The following MAPK3 variants were observed in gnomAD, a reference collection of about 807,000 sequenced individuals.
MAPK3 encodes mitogen-activated protein kinase 3.
Under a neutral mutation model 41.8 loss-of-function variants are expected in MAPK3, and 30 were observed. The observed-to-expected ratio is 0.72, with a 90% CI of 0.54 to 0.97. MAPK3 has a LOEUF of 0.97. MAPK3 is among the 50% of genes least tolerant of loss of function. The pLI is 0.00. For synonymous variants in MAPK3, 222 were observed against 213.4 expected (o/e 1.04, Z -0.35); for missense variants, 413 against 509.9 (o/e 0.81, Z 1.83).
intron 8 of MAPK3, among the ~76,000 whole-genome samples, chr16:30,115,054 T>G (rs1278899925): frequency 1.5e-5 from 2 of 132,988 alleles, no homozygotes; most frequent in Non-Finnish European, 3.1e-5. Context: ...CTGGGCAACA[T>G]AGCAAGACCC....
chr16:30,117,398 G>C, intron 5 of MAPK3, 113 bp from the exon 6 acceptor site: 1 of 1,077,066 alleles, frequency 9.3e-7, no homozygotes, highest in Non-Finnish European at 1.4e-6. Context: ...CAATCCCTCA[G>C]TCACCTCCTA....
At chr16:30,116,509 C>T (rs929971857) in intron 8 of MAPK3, 127 bp downstream of exon 8, 1 of 1,080,138 alleles carries the variant, frequency 9.3e-7, no homozygotes. Context: ...TCACCAGACA[C>T]ATTGACCATG....
At position 30,118,486 on chromosome 16, in the gene MAPK3, G is replaced by C; in HGVS notation, c.406C>G (p.Gln136Glu). The change falls in exon 3 of 9, where the codon CAG becomes GAG. Residue 136 changes from glutamine to glutamate, a missense_variant. Physicochemically the swap from Gln to Glu is conservative, Grantham distance 29. Transcript: ENST00000263025. ...CAGATATGGTCATTGCTCAGCTGCTGGCTTTTCAGCAACTTGTACAGGTCA... is the reference window on the plus strand; with the variant it reads ...CAGATATGGTCATTGCTCAGCTGCTCGCTTTTCAGCAACTTGTACAGGTCA... ...ETDLYKLLKSQQLSNDHICYF... is the reference protein window; with the variant it reads ...ETDLYKLLKSEQLSNDHICYF... The C allele has an allele frequency of 6.2e-7, 1 of 1,614,052 alleles. No homozygotes were observed. The highest frequency in any genetic ancestry group is 8.5e-7 in the Non-Finnish European group (1 of 1,180,010).
intron 8 of MAPK3, among the ~76,000 whole-genome samples, chr16:30,116,162 G>T (rs980721918): frequency 2.6e-5 from 4 of 151,308 alleles, no homozygotes. Flanking sequence ...AGCCTCCTGA[G>T]TAGCTGGGAC....
At chr16:30,117,369 C>T (rs1350331223) in intron 5 of MAPK3, 84 bp from the exon 6 acceptor site, 2 of 1,409,800 alleles carry the variant, frequency 1.4e-6, no homozygotes, top group Non-Finnish European at 2.0e-6. Context: ...ACAAGACCCC[C>T]CAGCCCAGCA....
chr16:30,120,500 G>C (rs1412132608), intron 2 of MAPK3, among the ~76,000 whole-genome samples: 1 of 152,062 alleles, frequency 6.6e-6, no homozygotes, highest in African/African-American at 2.4e-5. Flanking sequence ...AAGCAGTATT[G>C]GGGGAGGACA....
Position 30,116,903 on chromosome 16 carries a change from C to G in MAPK3, c.1008G>C (p.Pro336=). The change falls in exon 7 of 9, where the codon CCG becomes CCC. Residue 336 remains proline (P), a synonymous_variant. Transcript: ENST00000263025. Reference sequence around the variant, plus strand: ...CTGGGGACTGGCCCACCTCATCCGTCGGGTCATAGTACTGCTCCAGGTAGG... The same window carrying G: ...CTGGGGACTGGCCCACCTCATCCGTGGGGTCATAGTACTGCTCCAGGTAGG... ...AHPYLEQYYD[P]TDEPVAEEPF... 1 of 1,613,920 alleles carries G rather than the reference C, an allele frequency of 6.2e-7. No individual in the cohort carries two copies. The highest frequency in any genetic ancestry group is 8.5e-7 in the Non-Finnish European group (1 of 1,179,940).
chr16:30,122,160 TG>T (rs976791538), intron 1 of MAPK3, 154 bp from the exon 2 acceptor site: 2 of 711,556 alleles, frequency 2.8e-6, no homozygotes, highest in South Asian at 3.5e-5. Flanking sequence ...TGTGGAGGCC[TG>T]GGATCTCCAG....
chr16:30,117,899 G>T, intron 4 of MAPK3, 115 bp from the exon 5 acceptor site: 1 of 1,087,196 alleles, frequency 9.2e-7, no homozygotes, highest in Non-Finnish European at 1.4e-6. Context: ...GCAGAGGCCT[G>T]GAGGGCTCAA....
rs1256990157 is a variant in MAPK3 at position 30,121,898 on chromosome 16, C to A, written c.279G>T (p.Leu93=). 1 of 1,614,078 alleles carries A rather than the reference C, an allele frequency of 6.2e-7. No homozygotes were observed. Among genetic ancestry groups the A allele is most frequent in the Non-Finnish European group, 8.5e-7 (1 of 1,180,050 alleles). Residue 93 remains leucine, a synonymous_variant, in exon 2 of 9, where the codon CTG becomes CTT. Transcript: ENST00000263025. ...QRTLREIQIL[L]RFRHENVIGI... is the part of the protein sequence containing the mutation. ...CGATGACATTCTCATGGCGGAAGCGCAGCAGGATCTGGATCTCCCGGAGCG... is the reference window on the plus strand; with the variant it reads ...CGATGACATTCTCATGGCGGAAGCGAAGCAGGATCTGGATCTCCCGGAGCG...
In MAPK3 at chr16:30,121,904, G is replaced by A. The variant is rs1258517367; in HGVS notation, c.273C>T (p.Ile91=). The change falls in exon 2 of 9, where the codon ATC becomes ATT. Residue 91 remains isoleucine, a synonymous_variant. Transcript: ENST00000263025. The part of the protein sequence containing the change: ...YCQRTLREIQ[I]LLRFRHENVI... Reference sequence around the variant, plus strand: ...CATTCTCATGGCGGAAGCGCAGCAGGATCTGGATCTCCCGGAGCGTGCGCT... The same window carrying A: ...CATTCTCATGGCGGAAGCGCAGCAGAATCTGGATCTCCCGGAGCGTGCGCT... The A allele has an allele frequency of 1.2e-6, 2 of 1,614,198 alleles. No individual in the cohort carries two copies. Among genetic ancestry groups the A allele is most frequent in the Non-Finnish European group, 1.7e-6 (2 of 1,180,034 alleles).
In MAPK3 at chr16:30,121,992, T is replaced by C; in HGVS notation, c.185A>G (p.His62Arg). ...GATGGCCACGCGAGTCTTGCGCACG[T>C]GGTCATAGGCCGAGCTGAGGGGACC... ...AYGMVSSAYD[H>R]VRKTRVAIKK... The change falls in exon 2 of 9, where the codon CAC (histidine) becomes CGC (arginine). Residue 62 changes from histidine (H) to arginine (R), a missense_variant. Transcript: ENST00000263025. 1 of 1,614,048 alleles carries C rather than the reference T, an allele frequency of 6.2e-7. No homozygotes were observed. Among genetic ancestry groups the C allele is most frequent in the African/African-American group, 1.3e-5 (1 of 75,020 alleles).
chr16:30,121,594 A>G (rs1480538393), intron 2 of MAPK3, among the ~76,000 whole-genome samples: 2 of 152,208 alleles, frequency 1.3e-5, no homozygotes, highest in African/African-American at 4.8e-5. Flanking sequence ...TGGGGCACAG[A>G]GCAGAGAACC....
Position 30,122,583 on chromosome 16 carries a change from G to A in MAPK3, c.170+457C>T. ...CTCTCTGGGCCCCTGGGGTGGTGGG[G>A]CCAAAGCCCTGCCCCACCCTGATCT... On this transcript the variant is annotated intron_variant, in intron 1 of 8. Coordinates refer to ENST00000263025, the MANE Select transcript of MAPK3 (RefSeq NM_002746.3). The A allele has an allele frequency of 1.2e-5, 2 of 173,722 alleles. 1 individual carries two copies. Among genetic ancestry groups the A allele is most frequent in the South Asian group, 2.3e-4 (2 of 8,828 alleles). The allele number at this position is 173,722 out of a possible 1,614,324, so 10.8% of individuals were successfully genotyped here.
At chr16:30,118,311 C>G (rs369543162) in intron 3 of MAPK3, 38 bp downstream of exon 3, 127 of 1,595,946 alleles carry the variant, frequency 8.0e-5, no homozygotes, top group Non-Finnish European at 1.0e-4. Flanking sequence ...AAGCCCCAGA[C>G]CCTGGGGGAG....
chr16:30,121,562 C>T (rs940490301), intron 2 of MAPK3, among the ~76,000 whole-genome samples: 1 of 152,208 alleles, frequency 6.6e-6, no homozygotes, highest in Non-Finnish European at 1.5e-5. Context: ...CCATAGAGAC[C>T]ATCCTGCCTA....
At chr16:30,120,640 G>T (rs921699314) in intron 2 of MAPK3, among the ~76,000 whole-genome samples, 1 of 150,732 alleles carries the variant, frequency 6.6e-6, no homozygotes, top group African/African-American at 2.4e-5. Context: ...GACAGCAACA[G>T]AAACACTTGA....
In MAPK3 at chr16:30,116,673, G is replaced by A; in HGVS notation, c.1135C>T (p.Pro379Ser). ...TGCAGAGATGTCTGTCTGGGCTAGG[G>A]GGCCTCCAGCACTCCGGGCTGGAAG... ...ARFQPGVLEA[P>S] is the part of the protein sequence containing the mutation. The change falls in exon 8 of 9, where the codon CCC (proline) becomes TCC (serine). Residue 379 changes from proline (P) to serine (S), a missense_variant. This residue lies in a region of MAPK3 where 123 missense variants were observed against 147.8 expected (regional missense o/e 0.83). Coordinates refer to ENST00000263025, the MANE Select transcript of MAPK3 (RefSeq NM_002746.3). The A allele has an allele frequency of 6.2e-7, 1 of 1,613,342 alleles. No homozygotes were observed. Among genetic ancestry groups the A allele is most frequent in the Non-Finnish European group, 8.5e-7 (1 of 1,179,984 alleles).
chr16:30,122,985 C>A (rs1369540678), intron 1 of MAPK3, 55 bp downstream of exon 1: 11 of 1,371,934 alleles, frequency 8.0e-6, no homozygotes, highest in Non-Finnish European at 1.1e-5. Flanking sequence ...TCCTCCTCCT[C>A]TCCCGCGAAG....
Sources: gnomAD v4.1 joint callset for allele counts (sites outside exome capture counted in the v4.1 genomes callset) on GRCh38, gnomAD v4.1.1 for gene constraint, gnomAD v4.1.1 regional missense constraint, MANE v1.5 for transcripts, NCBI Gene and HGNC (gene_info 2026-07-23, HGNC 2026-07-21) for gene names.